MAPK6: variants seen among roughly 807,000 people sequenced by gnomAD.
The protein encoded by MAPK6 is mitogen-activated protein kinase 6, also known as ERK-3.
MAPK6 carries 19 observed loss-of-function variants against 59.3 expected under a neutral mutation model. The ratio of observed to expected loss-of-function variants is 0.32; its 90% CI spans 0.22 to 0.47. The LOEUF (loss-of-function observed/expected upper bound fraction) is 0.47, where lower values mean the gene tolerates loss of function less well. Ranked by LOEUF, MAPK6 falls within the 20% of genes least tolerant of loss-of-function variation. The probability of loss-of-function intolerance (pLI) is 1.00; values close to 1 mark genes in which losing one functional copy is unlikely to be tolerated. For missense variants in MAPK6, 724 were observed against 847.9 expected, an observed-to-expected ratio of 0.85 and a Z score of 1.81; for synonymous variants, 316 against 290.3, an observed-to-expected ratio of 1.09 and a Z score of -0.90.
At chr15:52,005,085 C>A (rs1473058983) in intron 3 of MAPK6, among the ~76,000 whole-genome samples, 1 of 152,142 alleles carries the variant, frequency 6.6e-6, no homozygotes, top group Non-Finnish European at 1.5e-5. Flanking sequence ...TAAAAAATAT[C>A]TTTACCAATT....
chr15:52,050,658 A>G (rs1310217176), intron 3 of MAPK6, among the ~76,000 whole-genome samples: 2 of 152,236 alleles, frequency 1.3e-5, no homozygotes, highest in African/African-American at 4.8e-5. Context: ...ATTATTTAGT[A>G]TAGACTAGAG....
At chr15:51,974,431 T>C (rs915356086) in intron 1 of MAPK6, among the ~76,000 whole-genome samples, 13 of 151,142 alleles carry the variant, frequency 8.6e-5, no homozygotes, top group African/African-American at 3.1e-4. Context: ...CCGAGGCAGG[T>C]GGATCACAAG....
intron 1 of MAPK6, among the ~76,000 whole-genome samples, chr15:51,977,494 C>A (rs1466394233): frequency 6.6e-6 from 1 of 151,588 alleles, no homozygotes; most frequent in Non-Finnish European, 1.5e-5. Context: ...TCTGTTATCG[C>A]CCTCCTACAG....
rs566580743 is a variant in MAPK6, at chr15:52,065,975, T to C, written c.*975T>C. The stretch of plus-strand genomic sequence containing the variant: ...CTCCTAGAAGTCTTAATTGTGTTTA[T>C]TTTTTAAAAAAACAAATGTTAGACT... On this transcript the variant is annotated 3_prime_UTR_variant, in exon 6 of 6. Coordinates refer to ENST00000261845, the MANE Select transcript of MAPK6 (RefSeq NM_002748.4). The C allele has an allele frequency of 6.5e-6, 1 of 152,712 alleles. No homozygotes were observed. Among genetic ancestry groups the C allele is most frequent in the South Asian group, 2.1e-4 (1 of 4,826 alleles). The allele number at this position is 152,712 out of a possible 1,614,324, so 9.5% of individuals were successfully genotyped here. A position where few individuals can be genotyped will look rare whatever the true frequency, so the allele number is the denominator to read the frequency against.
In MAPK6 at chr15:52,051,211, C is replaced by T. The variant is rs555551539; in HGVS notation, c.700+1074C>T. On this transcript the variant is annotated intron_variant, in intron 3 of 5. Coordinates refer to ENST00000261845, the MANE Select transcript of MAPK6 (RefSeq NM_002748.4). ...TAGCTGGGACTACAGGCGCCCGCCC[C>T]GTCGCCCGGCTAATTTTTTGTATTT... is the stretch of plus-strand genomic sequence containing the variant. Among the ~76,000 whole-genome samples, 304 of 152,188 alleles carry T rather than the reference C, an allele frequency of 2.0e-3. 1 individual carries two copies. The highest frequency in any genetic ancestry group is 1.8e-3 in the Non-Finnish European group (124 of 68,004).
At chr15:52,044,569 A>G (rs1025178142) in intron 1 of MAPK6, among the ~76,000 whole-genome samples, 1 of 152,114 alleles carries the variant, frequency 6.6e-6, no homozygotes, top group Non-Finnish European at 1.5e-5. Context: ...CTGATTTTCC[A>G]TAATGCCTCA....
In MAPK6 at chr15:52,049,351, ATT is replaced by A. The variant is rs60965378; in HGVS notation, c.556-618_556-617del. ...TGAATGTGTGGCCTAGAGTTATATA[ATT>A]TTTTTTTTTTTTTTTTTTTTTTTAA... is the stretch of plus-strand genomic sequence containing the variant. On this transcript the variant is annotated intron_variant, in intron 2 of 5. Transcript: ENST00000261845. Among the ~76,000 whole-genome samples the A allele has an allele frequency of 8.0e-3, 877 of 109,734 alleles. 3 individuals carry two copies. The highest frequency in any genetic ancestry group is 0.015 in the African/African-American group (438 of 28,770). 72.0% of individuals were successfully genotyped at this position (109,734 alleles called of 152,430 possible). A position where few individuals can be genotyped will look rare whatever the true frequency, so the allele number is the denominator to read the frequency against.
chr15:51,971,825 A>G, exon 1 of MAPK6: 1 of 1,438,328 alleles, frequency 7.0e-7, no homozygotes, highest in South Asian at 1.1e-5. Context: ...GAAACACGAC[A>G]GTGTCGCAAA....
chr15:52,019,757 C>T (rs866429825), intron 1 of MAPK6, among the ~76,000 whole-genome samples: 1 of 151,786 alleles, frequency 6.6e-6, no homozygotes, highest in Non-Finnish European at 1.5e-5. Context: ...CCGCCGCCTG[C>T]GCCTGGCTCC....
intron 3 of MAPK6, among the ~76,000 whole-genome samples, chr15:52,010,833 G>T (rs1252924708): frequency 6.6e-6 from 1 of 152,146 alleles, no homozygotes; most frequent in African/African-American, 2.4e-5. Context: ...GGATACTCTT[G>T]TTGCCCCATC....
rs367726654 is a variant in MAPK6, at chr15:52,046,773, T to C, written c.313T>C (p.Tyr105His). Residue 105 changes from tyrosine (Y) to histidine (H), a missense_variant, in exon 2 of 6, where the codon TAC becomes CAC. Physicochemically the swap from Tyr to His is moderately conservative, Grantham distance 83 (BLOSUM62 2). Around this residue, in one of 4 missense-constraint regions of MAPK6, gnomAD observed 87 missense variants for 93.0 expected, o/e 0.93. Coordinates refer to ENST00000261845, the MANE Select transcript of MAPK6 (RefSeq NM_002748.4). Reference sequence around the variant, plus strand: ...CTCTCTTACGGAACTGAACAGTGTTTACATTGTTCAGGAGTACATGGAGAC... The same window carrying C: ...CTCTCTTACGGAACTGAACAGTGTTCACATTGTTCAGGAGTACATGGAGAC... ...VGSLTELNSV[Y>H]IVQEYMETDL... 6.2e-7 allele frequency: 1 copy of C among 1,613,942 alleles called. No homozygotes were observed. Among genetic ancestry groups the C allele is most frequent in the Non-Finnish European group, 8.5e-7 (1 of 1,179,930 alleles).
At chr15:52,041,202 T>G (rs1001540486) in intron 1 of MAPK6, among the ~76,000 whole-genome samples, 2 of 152,146 alleles carry the variant, frequency 1.3e-5, no homozygotes, top group African/African-American at 4.8e-5. Context: ...TGTTTTTTTG[T>G]TTTTTTGTTT....
intron 1 of MAPK6, among the ~76,000 whole-genome samples, chr15:52,045,006 C>T (rs1438033144): frequency 7.1e-6 from 1 of 139,940 alleles, no homozygotes; most frequent in African/African-American, 2.7e-5. Flanking sequence ...AACTACTTAT[C>T]TGTTCTCCTA....
At chr15:52,007,433 T>A (rs992285077) in intron 3 of MAPK6, among the ~76,000 whole-genome samples, 1 of 152,220 alleles carries the variant, frequency 6.6e-6, no homozygotes, top group Non-Finnish European at 1.5e-5. Context: ...GACAACTTTT[T>A]TTCCTCCTGC....
chr15:51,994,498 C>T (rs779132094), intron 2 of MAPK6, among the ~76,000 whole-genome samples: 5 of 152,026 alleles, frequency 3.3e-5, no homozygotes, highest in African/African-American at 7.3e-5. Context: ...AAGCAATGAT[C>T]GTGCCACTGT....
intron 2 of MAPK6, among the ~76,000 whole-genome samples, chr15:51,986,112 G>A (rs1236082987): frequency 6.6e-6 from 1 of 152,144 alleles, no homozygotes; most frequent in African/African-American, 2.4e-5. Flanking sequence ...AAGCATGGCT[G>A]GGAGGCCTCA....
chr15:51,994,023 C>T (rs1462404098), intron 2 of MAPK6, among the ~76,000 whole-genome samples: 5 of 152,036 alleles, frequency 3.3e-5, no homozygotes, highest in Admixed American at 2.0e-4. Context: ...TGCAATGGCA[C>T]GATCTTGGCT....
At chr15:52,004,704 A>C (rs968853686) in intron 3 of MAPK6, among the ~76,000 whole-genome samples, 1 of 152,198 alleles carries the variant, frequency 6.6e-6, no homozygotes, top group African/African-American at 2.4e-5. Flanking sequence ...AACGATCTCC[A>C]GAGGGCAAGA....
intron 1 of MAPK6, among the ~76,000 whole-genome samples, chr15:52,026,414 C>G (rs2141861099): frequency 6.6e-6 from 1 of 152,276 alleles, no homozygotes; most frequent in South Asian, 2.1e-4. Flanking sequence ...GCTGCAGCCT[C>G]CCAAGTAGCT....
Sources: allele counts gnomAD v4.1 joint callset (sites outside exome capture counted in the v4.1 genomes callset), GRCh38; gene constraint gnomAD v4.1.1; regional missense constraint gnomAD v4.1.1; transcripts MANE v1.5; gene names NCBI Gene and HGNC (gene_info 2026-07-23, HGNC 2026-07-21).